DMD: variants seen among roughly 807,000 people sequenced by gnomAD.
The protein encoded by DMD is dystrophin, also known as mutant dystrophin.
Under a neutral mutation model 330.1 loss-of-function variants are expected in DMD, and 63 were observed. That is an observed-to-expected ratio of 0.19 (90% CI 0.16 to 0.24). The LOEUF (loss-of-function observed/expected upper bound fraction) is 0.24. DMD is among the 10% of genes least tolerant of loss of function. The probability of loss-of-function intolerance (pLI) is 1.00; values close to 1 mark genes in which losing one functional copy is unlikely to be tolerated. For synonymous variants in DMD, 1,223 were observed against 959.8 expected (o/e 1.27, Z -5.07); for missense variants, 3,344 against 2,684.1 (o/e 1.25, Z -5.43).
intron 2 of DMD, among the ~76,000 whole-genome samples, chrX:32,928,841 A>G (rs892446920): frequency 7.1e-5 from 8 of 112,434 alleles, no homozygotes; most frequent in Non-Finnish European, 1.3e-4. Flanking sequence ...TTGCAGTACT[A>G]CAAACAAATA....
intron 9 of DMD, among the ~76,000 whole-genome samples, chrX:32,683,636 C>A (rs2062608317): frequency 1.4e-5 from 1 of 72,494 alleles, no homozygotes; most frequent in African/African-American, 5.9e-5. Flanking sequence ...CACACTGGGT[C>A]CCGTAGTGGG....
chrX:32,136,956 A>G (rs1264233806), intron 44 of DMD, among the ~76,000 whole-genome samples: 2 of 111,419 alleles, frequency 1.8e-5, no homozygotes, highest in South Asian at 3.8e-4. Context: ...ACATGTATAC[A>G]TATGTAACTA....
chrX:32,558,938 CTTTTTTTTTTTTTTTTT>C (rs60739281), intron 16 of DMD, among the ~76,000 whole-genome samples: 10 of 50,828 alleles, frequency 2.0e-4, no homozygotes, highest in Non-Finnish European at 2.5e-4. Flanking sequence ...TTCAAATTTT[CTTTTTTTTTTTTTTTTT>C]TTTTTTTTTT....
chrX:32,187,442 A>G (rs2147534460), intron 44 of DMD, among the ~76,000 whole-genome samples: 1 of 111,667 alleles, frequency 9.0e-6, no homozygotes, highest in African/African-American at 3.2e-5. Context: ...CTGTCCCCCC[A>G]GAAAGTTGGA....
At chrX:31,277,047 T>C (rs1603284512) in intron 62 of DMD, among the ~76,000 whole-genome samples, 1 of 108,319 alleles carries the variant, frequency 9.2e-6, no homozygotes, top group African/African-American at 3.5e-5. Flanking sequence ...CCATTTTTTC[T>C]TTTTTTTTAA....
intron 45 of DMD, among the ~76,000 whole-genome samples, chrX:31,933,581 G>A (rs870133): frequency 0.057 from 6,359 of 111,061 alleles, 429 homozygotes; most frequent in African/African-American, 0.19. Flanking sequence ...TGTAATATAC[G>A]TACAGGACAC....
Position 32,627,523 on chromosome X carries a change from AACTGATATTAG to A in DMD, c.1332-13081_1332-13071del, listed in dbSNP as rs1326515941. On this transcript the variant is annotated intron_variant, in intron 11 of 78. Coordinates refer to ENST00000357033, the MANE Select transcript of DMD (RefSeq NM_004006.3). The stretch of plus-strand genomic sequence containing the variant: ...TTGTAATTAATCCTATTGATTCAGC[AACTGATATTAG>A]CCCCAATTTACAGGTGGGGAAACAA... Among the ~76,000 whole-genome samples, 813 of 99,551 alleles carry A rather than the reference AACTGATATTAG, an allele frequency of 8.2e-3. 32 individuals carry two copies. The highest frequency in any genetic ancestry group is 0.038 in the African/African-American group (759 of 19,779). The allele number at this position is 99,551 out of a possible 115,157, so 86.4% of individuals were successfully genotyped here.
intron 44 of DMD, among the ~76,000 whole-genome samples, chrX:32,162,018 A>C (rs1051054365): frequency 1.8e-5 from 2 of 111,553 alleles, no homozygotes; most frequent in African/African-American, 6.5e-5. Flanking sequence ...CAATGTGGAC[A>C]CAGGGAAAAG....
intron 62 of DMD, among the ~76,000 whole-genome samples, chrX:31,311,287 G>A (rs770066663): frequency 9.0e-6 from 1 of 111,437 alleles, no homozygotes; most frequent in East Asian, 2.8e-4. Flanking sequence ...TCAAGGACAT[G>A]CACAAATGTT....
At chrX:31,569,569 ATG>A (rs72193035) in intron 55 of DMD, among the ~76,000 whole-genome samples, 14,089 of 97,829 alleles carry the variant, frequency 0.14, 943 homozygotes, top group Middle Eastern at 0.22. Context: ...TTATATATAT[ATG>A]TGTATATATA....
chrX:31,284,156 T>A (rs2052845406), intron 62 of DMD, among the ~76,000 whole-genome samples: 1 of 111,592 alleles, frequency 9.0e-6, no homozygotes, highest in African/African-American at 3.3e-5. Flanking sequence ...GTACTGAAAG[T>A]GAAAAACAGA....
chrX:31,151,319 T>C (rs1356835457), intron 74 of DMD, among the ~76,000 whole-genome samples: 1 of 112,525 alleles, frequency 8.9e-6, no homozygotes, highest in Non-Finnish European at 1.9e-5. Context: ...GGCAACACTT[T>C]TTATGTAGAA....
At chrX:31,806,177 C>T (rs189000247) in intron 50 of DMD, among the ~76,000 whole-genome samples, 2 of 112,460 alleles carry the variant, frequency 1.8e-5, no homozygotes, top group African/African-American at 6.4e-5. Flanking sequence ...CCCGCTGAAA[C>T]AGTAAATTAT....
chrX:32,777,282 G>GGGGGGGGGGGGGTGGGGGGGGGGGGA (rs1368782701), intron 7 of DMD, among the ~76,000 whole-genome samples: 1 of 54,132 alleles, frequency 1.8e-5, no homozygotes, highest in African/African-American at 6.4e-5. Context: ...CTGGTTGGGG[G>GGGGGGGGGGGGGTGGGGGGGGGGGGA]GGGAATCCTA....
chrX:32,958,585 T>C (rs1172564570), intron 2 of DMD, among the ~76,000 whole-genome samples: 1 of 111,449 alleles, frequency 9.0e-6, no homozygotes, highest in Non-Finnish European at 1.9e-5. Context: ...TATATTTTTA[T>C]CTCAAGTAAT....
At chrX:31,909,119 T>C (rs1201583136) in intron 47 of DMD, among the ~76,000 whole-genome samples, 1 of 112,270 alleles carries the variant, frequency 8.9e-6, no homozygotes, top group Admixed American at 9.4e-5. Flanking sequence ...CAGATATTGG[T>C]TGGTTATCTT....
intron 37 of DMD, among the ~76,000 whole-genome samples, chrX:32,355,794 A>G (rs2097796986): frequency 9.0e-6 from 1 of 111,308 alleles, no homozygotes; most frequent in African/African-American, 3.3e-5. Context: ...AGTTGTAAAT[A>G]TTACATATTT....
At chrX:32,215,615 G>A (rs952095552) in intron 44 of DMD, among the ~76,000 whole-genome samples, 2 of 111,154 alleles carry the variant, frequency 1.8e-5, no homozygotes, top group African/African-American at 6.5e-5. Context: ...AATATAAATT[G>A]AAATATATAA....
At chrX:31,134,358 A>G (rs1308501965) in intron 76 of DMD, among the ~76,000 whole-genome samples, 164 bp from the exon 77 acceptor site, 3 of 111,086 alleles carry the variant, frequency 2.7e-5, no homozygotes, top group Admixed American at 9.6e-5. Flanking sequence ...CTTTAAAGGG[A>G]AGAAGAAATC....
Sources: gnomAD v4.1 joint callset for allele counts (sites outside exome capture counted in the v4.1 genomes callset) on GRCh38, gnomAD v4.1.1 for gene constraint, MANE v1.5 for transcripts, NCBI Gene and HGNC (gene_info 2026-07-23, HGNC 2026-07-21) for gene names.